The following SLC23A2 variants were observed in gnomAD, a reference collection of about 807,000 sequenced individuals.
SLC23A2 encodes solute carrier family 23 member 2, also known as Na(+)/L-ascorbic acid transporter 2.
Under a neutral mutation model 73.3 loss-of-function variants are expected in SLC23A2, and 36 were observed. The observed-to-expected ratio is 0.49, with a 90% confidence interval of 0.38 to 0.65. The LOEUF is 0.65. Ranked by LOEUF, SLC23A2 falls within the 30% of genes least tolerant of loss-of-function variation. The pLI is 0.00. For synonymous variants in SLC23A2, 343 were observed against 327.3 expected (o/e 1.05, Z -0.52); for missense variants, 507 against 841.6 (o/e 0.60, Z 4.92).
At chr20:4,937,703 ACT>A (rs1370747836) in intron 2 of SLC23A2, among the ~76,000 whole-genome samples, 1 of 152,188 alleles carries the variant, frequency 6.6e-6, no homozygotes, top group Non-Finnish European at 1.5e-5. Flanking sequence ...CTGCCATTAC[ACT>A]GTTTATACAA....
At chr20:4,887,419 G>A (rs1600101255) in intron 6 of SLC23A2, among the ~76,000 whole-genome samples, 4 of 152,368 alleles carry the variant, frequency 2.6e-5, no homozygotes, top group Admixed American at 2.6e-4. Flanking sequence ...GCATCCTAGG[G>A]CAGTGGAATA....
intron 1 of SLC23A2, among the ~76,000 whole-genome samples, chr20:4,979,821 C>A (rs75274754): frequency 0.026 from 3,896 of 152,024 alleles, 174 homozygotes; most frequent in African/African-American, 0.088. Context: ...CCAAGAAAAA[C>A]AATCTGCAAA....
chr20:4,980,742 C>A lies in SLC23A2; in HGVS notation c.-281-9823G>T, dbSNP rs576640980. Among the ~76,000 whole-genome samples, 13 of 152,158 alleles carry A rather than the reference C, an allele frequency of 8.5e-5. No homozygotes were observed. The South Asian group carries it at 2.5e-3, about 29-fold the overall frequency. On this transcript the variant is annotated intron_variant, in intron 1 of 16. Coordinates refer to ENST00000338244, the MANE Select transcript of SLC23A2 (RefSeq NM_005116.6). ...ATGGGGTTTCACCATGTTGGCCAGG[C>A]TGGTCTCAAACTCCCAACCTCAGGT... is the stretch of plus-strand genomic sequence containing the variant.
intron 4 of SLC23A2, among the ~76,000 whole-genome samples, chr20:4,912,557 G>A (rs182046397): frequency 6.6e-6 from 1 of 150,632 alleles, no homozygotes; most frequent in Admixed American, 6.6e-5. Context: ...ACCCAGACCT[G>A]ATGCCAGACC....
At chr20:4,873,392 T>C (rs967146389) in intron 11 of SLC23A2, among the ~76,000 whole-genome samples, 1 of 152,116 alleles carries the variant, frequency 6.6e-6, no homozygotes, top group African/African-American at 2.4e-5. Flanking sequence ...GGGAATGTAT[T>C]CACACCCCCA....
intron 1 of SLC23A2, among the ~76,000 whole-genome samples, chr20:5,007,213 A>T (rs2088201298): frequency 6.6e-6 from 1 of 152,082 alleles, no homozygotes; most frequent in African/African-American, 2.4e-5. Flanking sequence ...TTTAAGGTAT[A>T]CATTTTAGAA....
chr20:4,869,155 C>A (rs1930326216), intron 12 of SLC23A2: 1 of 151,850 alleles, frequency 6.6e-6, no homozygotes, highest in Non-Finnish European at 1.5e-5. Flanking sequence ...ACTGTATAGC[C>A]AAGTATGGTG....
chr20:4,980,555 G>A (rs1471267453), intron 1 of SLC23A2, among the ~76,000 whole-genome samples: 2 of 147,232 alleles, frequency 1.4e-5, no homozygotes, highest in Non-Finnish European at 1.5e-5. Flanking sequence ...TTTTTGAGAC[G>A]GGGTCTCATT....
chr20:4,962,326 G>A (rs2087405936), intron 2 of SLC23A2, among the ~76,000 whole-genome samples: 1 of 152,254 alleles, frequency 6.6e-6, no homozygotes, highest in South Asian at 2.1e-4. Flanking sequence ...AGAGAGGGAG[G>A]AGACCATGTT....
At chr20:4,912,785 C>A (rs1932200954) in intron 4 of SLC23A2, 95 bp downstream of exon 4, 4 of 800,152 alleles carry the variant, frequency 5.0e-6, no homozygotes, top group African/African-American at 3.3e-5. Flanking sequence ...GAAGGACATG[C>A]AAGTGTCTGA....
rs1931652833 is a variant in SLC23A2, at chr20:4,899,128, C to G, written c.482+427G>C. The stretch of plus-strand genomic sequence containing the variant: ...GAGGAGAGCTGCAGTGTGGCTCACC[C>G]TGAGGAGGGTGTGGAAGTAGAAAGA... On this transcript the variant is annotated intron_variant, in intron 6 of 16. Transcript: ENST00000338244. The surrounding 1 kb of genome is among the most constrained non-coding windows in gnomAD (Gnocchi z 4.9). Among the ~76,000 whole-genome samples, 1 of 152,164 alleles carries G rather than the reference C, an allele frequency of 6.6e-6. No individual in the cohort carries two copies. Among genetic ancestry groups the G allele is most frequent in the South Asian group, 2.1e-4 (1 of 4,828 alleles).
At chr20:4,962,244 C>A (rs2087403631) in intron 2 of SLC23A2, among the ~76,000 whole-genome samples, 1 of 126,352 alleles carries the variant, frequency 7.9e-6, no homozygotes, top group Admixed American at 8.6e-5. Context: ...AGTTCAACCA[C>A]CCCCGCCCCA....
Position 4,911,131 on chromosome 20 carries a change from T to C in SLC23A2, c.207+1749A>G, listed in dbSNP as rs534134213. On this transcript the variant is annotated intron_variant, in intron 4 of 16. Transcript: ENST00000338244. Reference sequence around the variant, plus strand: ...TGTGAAGAAGCCCTTTGTTACAAGATGGACCGTGTGAAAGCTGCGGCCCGG... The same window carrying C: ...TGTGAAGAAGCCCTTTGTTACAAGACGGACCGTGTGAAAGCTGCGGCCCGG... 7.7e-4 allele frequency among the ~76,000 whole-genome samples: 118 copies of C among 152,334 alleles called. 1 individual carries two copies. The highest frequency in any genetic ancestry group is 2.5e-3 in the African/African-American group (103 of 41,576).
intron 3 of SLC23A2, among the ~76,000 whole-genome samples, chr20:4,913,462 G>A (rs1051174796): frequency 2.0e-5 from 3 of 152,154 alleles, no homozygotes; most frequent in African/African-American, 7.2e-5. Context: ...CCAGTAGCAA[G>A]AGCCATAAAA....
chr20:4,864,894 C>G (rs922866056), intron 13 of SLC23A2, among the ~76,000 whole-genome samples: 2 of 152,156 alleles, frequency 1.3e-5, no homozygotes, highest in Non-Finnish European at 2.9e-5. Context: ...CAAACTGGCC[C>G]CAGGGATACC....
intron 4 of SLC23A2, among the ~76,000 whole-genome samples, chr20:4,911,660 G>A (rs891591698): frequency 8.6e-5 from 13 of 151,900 alleles, no homozygotes; most frequent in Admixed American, 6.5e-5. Flanking sequence ...AATTTTCATA[G>A]TATAAATAAA....
rs3055953 is a variant in SLC23A2 at position 4,926,510 on chromosome 20, CTTTTTTTT to C, written c.108+5937_108+5944del. 3.2e-3 allele frequency among the ~76,000 whole-genome samples: 336 copies of C among 105,020 alleles called. 3 individuals carry two copies. The highest frequency in any genetic ancestry group is 0.012 in the African/African-American group (326 of 27,670). The allele number at this position is 105,020 out of a possible 152,430, so 68.9% of individuals were successfully genotyped here. On this transcript the variant is annotated intron_variant, in intron 3 of 16. Transcript: ENST00000338244. ...CGATCGTTCATCAGAATTTTTTTTGCTTTTTTTTTTTTTTTTTTTTTCCTGATTCCTGT... is the reference window on the plus strand; with the variant it reads ...CGATCGTTCATCAGAATTTTTTTTGCTTTTTTTTTTTTTCCTGATTCCTGT...
intron 4 of SLC23A2, among the ~76,000 whole-genome samples, chr20:4,912,144 T>C (rs911017157): frequency 5.3e-5 from 8 of 151,878 alleles, no homozygotes; most frequent in East Asian, 1.9e-4. Context: ...TGAGCCCAGA[T>C]TGGAGCCGCT....
At chr20:4,924,028 T>C (rs1932584061) in intron 3 of SLC23A2, among the ~76,000 whole-genome samples, 1 of 152,310 alleles carries the variant, frequency 6.6e-6, no homozygotes, top group East Asian at 1.9e-4. Flanking sequence ...TCCCTGATCC[T>C]GGTGGCTGCC....
Sources: allele counts gnomAD v4.1 joint callset (sites outside exome capture counted in the v4.1 genomes callset), GRCh38; gene constraint gnomAD v4.1.1; non-coding constraint Gnocchi (gnomAD v3.1); transcripts MANE v1.5; gene names NCBI Gene and HGNC (gene_info 2026-07-23, HGNC 2026-07-21).